Variants in CNTNAP2 observed in about 807,000 individuals in gnomAD.
CNTNAP2 encodes the protein contactin-associated protein-like 2.
A neutral mutation model predicts 155.2 loss-of-function variants in CNTNAP2; 98 were observed. The ratio of observed to expected loss-of-function variants is 0.63; its 90% CI spans 0.54 to 0.75. CNTNAP2 has a LOEUF of 0.75. Among genes scored for constraint, CNTNAP2 ranks in the 30% least tolerant of loss-of-function variants. CNTNAP2 has a pLI of 0.00. For synonymous variants in CNTNAP2, 651 were observed against 631.2 expected (o/e 1.03, Z -0.47); for missense variants, 1,727 against 1,688.1 (o/e 1.02, Z -0.40).
chr7:147,444,395 A>ACACACCACAAAAATTTT (rs1477572710), intron 10 of CNTNAP2, among the ~76,000 whole-genome samples: 1 of 152,202 alleles, frequency 6.6e-6, no homozygotes. Flanking sequence ...AATGGAAATC[A>ACACACCACAAAAATTTT]GTGAAAATAT....
rs191824856 is a variant in CNTNAP2, at chr7:147,508,339, C to T, written c.1777+22298C>T. 4.8e-3 allele frequency among the ~76,000 whole-genome samples: 730 copies of T among 152,244 alleles called. 1 individual carries two copies. The highest frequency in any genetic ancestry group is 0.017 in the Middle Eastern group (5 of 292). On this transcript the variant is annotated intron_variant, in intron 11 of 23. Transcript: ENST00000361727. ...AAGGAAAAACGGTCCTTTAGCAACC[C>T]AGCCACTGAAGCCAGTAATCTAGCC...
chr7:146,610,380 A>AAT (rs1181507329), intron 1 of CNTNAP2, among the ~76,000 whole-genome samples: 896 of 152,278 alleles, frequency 5.9e-3, no homozygotes, highest in Non-Finnish European at 8.6e-3. Context: ...GAGAACCTGC[A>AAT]TGTTCGGAAC....
chr7:146,829,769 G>A (rs746974783), intron 2 of CNTNAP2, among the ~76,000 whole-genome samples: 8 of 151,924 alleles, frequency 5.3e-5, no homozygotes, highest in South Asian at 2.1e-4. Context: ...AAGCTTAACC[G>A]TCTTTAGTCT....
intron 1 of CNTNAP2, among the ~76,000 whole-genome samples, chr7:146,519,894 C>T (rs1230564501): frequency 3.3e-5 from 5 of 151,754 alleles, no homozygotes; most frequent in Admixed American, 2.6e-4. Context: ...TGTATCATTA[C>T]CTCTGTAGCC....
intron 13 of CNTNAP2, among the ~76,000 whole-genome samples, chr7:147,707,678 G>A (rs950804798): frequency 6.6e-6 from 1 of 152,218 alleles, no homozygotes; most frequent in Non-Finnish European, 1.5e-5. Context: ...GGGTGGGTAG[G>A]TTATCAGACC....
At chr7:147,549,916 G>A (rs567307792) in intron 11 of CNTNAP2, among the ~76,000 whole-genome samples, 1 of 152,228 alleles carries the variant, frequency 6.6e-6, no homozygotes, top group South Asian at 2.1e-4. Flanking sequence ...GCTGTATAAA[G>A]CAATACATTA....
intron 16 of CNTNAP2, among the ~76,000 whole-genome samples, chr7:148,136,359 T>C (rs1804949363): frequency 6.6e-6 from 1 of 151,928 alleles, no homozygotes; most frequent in African/African-American, 2.4e-5. Context: ...TGGTAATGAG[T>C]TCATATGAGA....
intron 12 of CNTNAP2, among the ~76,000 whole-genome samples, chr7:147,610,386 C>A (rs553056524): frequency 6.6e-6 from 1 of 151,746 alleles, no homozygotes; most frequent in African/African-American, 2.4e-5. Context: ...GCAAAGATTT[C>A]TTGACAATTG....
At chr7:146,219,872 C>A (rs567197489) in intron 1 of CNTNAP2, among the ~76,000 whole-genome samples, 1 of 152,208 alleles carries the variant, frequency 6.6e-6, no homozygotes, top group Non-Finnish European at 1.5e-5. Context: ...GTTATAAGAA[C>A]ACAACTCTAA....
At chr7:148,339,974 AGTGT>A (rs10603520) in intron 21 of CNTNAP2, among the ~76,000 whole-genome samples, 7,931 of 144,758 alleles carry the variant, frequency 0.055, 241 homozygotes, top group Non-Finnish European at 0.08. Context: ...TCCTTCGTGC[AGTGT>A]GTGTGTGTGT....
chr7:147,366,559 G>C (rs1796232583), intron 9 of CNTNAP2, among the ~76,000 whole-genome samples: 1 of 149,788 alleles, frequency 6.7e-6, no homozygotes, highest in African/African-American at 2.5e-5. Context: ...TTTCATTTTT[G>C]TTACTTCTTA....
intron 15 of CNTNAP2, among the ~76,000 whole-genome samples, chr7:148,091,229 A>G (rs1240988588): frequency 6.6e-6 from 1 of 152,214 alleles, no homozygotes; most frequent in Non-Finnish European, 1.5e-5. Context: ...TGTTTCCATT[A>G]CAAAAAAAGA....
chr7:147,250,273 T>A (rs1238648350), intron 8 of CNTNAP2, among the ~76,000 whole-genome samples: 1 of 152,114 alleles, frequency 6.6e-6, no homozygotes, highest in Non-Finnish European at 1.5e-5. Context: ...GTTACCCAAA[T>A]AACCTCTCCA....
At chr7:147,176,511 T>C (rs931589474) in intron 8 of CNTNAP2, among the ~76,000 whole-genome samples, 11 of 150,918 alleles carry the variant, frequency 7.3e-5, no homozygotes, top group African/African-American at 2.7e-4. Context: ...AAATGTGTAA[T>C]ATGTGCTGCA....
At chr7:147,730,241 A>T (rs1428316493) in intron 13 of CNTNAP2, among the ~76,000 whole-genome samples, 2 of 152,110 alleles carry the variant, frequency 1.3e-5, no homozygotes, top group African/African-American at 2.4e-5. Flanking sequence ...GATAAAATCC[A>T]ATCACAGGCA....
intron 14 of CNTNAP2, among the ~76,000 whole-genome samples, chr7:147,956,731 G>C (rs1291659343): frequency 1.3e-5 from 2 of 152,150 alleles, no homozygotes; most frequent in South Asian, 4.1e-4. Context: ...CCCAGACATA[G>C]ATAGGTTTGG....
chr7:146,732,774 C>A (rs1801548376), intron 1 of CNTNAP2, among the ~76,000 whole-genome samples: 1 of 152,044 alleles, frequency 6.6e-6, no homozygotes, highest in Admixed American at 6.6e-5. Context: ...TTTTCTATAA[C>A]CTGCACACAT....
At chr7:147,496,117 T>A (rs1852710) in intron 11 of CNTNAP2, among the ~76,000 whole-genome samples, 43,534 of 152,048 alleles carry the variant, frequency 0.29, 6,363 homozygotes, top group East Asian at 0.43. Flanking sequence ...CCACTGATTT[T>A]ACATTATGGT....
intron 8 of CNTNAP2, among the ~76,000 whole-genome samples, chr7:147,244,807 G>A (rs1337685833): frequency 6.6e-6 from 1 of 152,112 alleles, no homozygotes; most frequent in African/African-American, 2.4e-5. Context: ...TTAATCATTT[G>A]TTTAAAAATA....
Sources: gnomAD v4.1 joint callset for allele counts (sites outside exome capture counted in the v4.1 genomes callset) on GRCh38, gnomAD v4.1.1 for gene constraint, MANE v1.5 for transcripts, NCBI Gene and HGNC (gene_info 2026-07-23, HGNC 2026-07-21) for gene names.